Variants in UTP20 observed in about 807,000 individuals in gnomAD.
The protein encoded by UTP20 is UTP20 small subunit processome component, also known as small subunit processome component 20 homolog.
A neutral mutation model predicts 329.5 loss-of-function variants in UTP20; 164 were observed. That is an observed-to-expected ratio of 0.50 (90% CI 0.44 to 0.57). The LOEUF (loss-of-function observed/expected upper bound fraction) is 0.57. Ranked by LOEUF, UTP20 falls within the 20% of genes least tolerant of loss-of-function variation. The probability of loss-of-function intolerance (pLI) is 0.00; values close to 1 mark genes in which losing one functional copy is unlikely to be tolerated. For synonymous variants in UTP20, 1,151 were observed against 1,159.3 expected, an observed-to-expected ratio of 0.99 and a Z score of 0.14; for missense variants, 3,055 against 3,284.2, an observed-to-expected ratio of 0.93 and a Z score of 1.71.
chr12:101,331,242 C>A (rs999171301), intron 27 of UTP20, among the ~76,000 whole-genome samples: 2 of 152,122 alleles, frequency 1.3e-5, no homozygotes, highest in African/African-American at 4.8e-5. Flanking sequence ...ATGAATAGAA[C>A]ATGCAGATTG....
chr12:101,321,644 C>A lies in UTP20; in HGVS notation c.3041+15C>A. ...ATTCTGATGAGGTATTTATGCTGTT[C>A]AAACACTGATTTTTAAAAAGTTAAT... On this transcript the variant is annotated intron_variant, in intron 25 of 61. Coordinates refer to ENST00000261637, the MANE Select transcript of UTP20 (RefSeq NM_014503.3). 1.9e-6 allele frequency: 3 copies of A among 1,608,622 alleles called. No homozygotes were observed. In the South Asian group the frequency reaches 3.3e-5, roughly 18 times the overall value.
chr12:101,312,245 G>A lies in UTP20; in HGVS notation c.2521G>A (p.Glu841Lys), dbSNP rs780049886. Residue 841 changes from glutamate (E) to lysine (K), a missense_variant, in exon 21 of 62, where the codon GAG becomes AAG. Physicochemically the swap from Glu to Lys is moderately conservative, Grantham distance 56. Around this residue, in one of 3 missense-constraint regions of UTP20, gnomAD observed 2,445 missense variants for 2,575.5 expected, o/e 0.95. Transcript: ENST00000261637. Reference sequence around the variant, plus strand: ...AGAAAGAGTAGAGCCACGGTCCAGGGAGCTTTCCCCGCTTTTCTTGAGATT... The same window carrying A: ...AGAAAGAGTAGAGCCACGGTCCAGGAAGCTTTCCCCGCTTTTCTTGAGATT... Reference protein sequence around the residue: ...FPERVEPRSRELSPLFLRFIN... With the variant: ...FPERVEPRSRKLSPLFLRFIN... 1.3e-5 allele frequency: 21 copies of A among 1,614,168 alleles called. No homozygotes were observed. The Admixed American group carries it at 3.5e-4, about 27-fold the overall frequency.
At chr12:101,316,288 G>A (rs1395063474) in intron 21 of UTP20, among the ~76,000 whole-genome samples, 1 of 152,150 alleles carries the variant, frequency 6.6e-6, no homozygotes, top group Non-Finnish European at 1.5e-5. Flanking sequence ...CTGTGTGCTG[G>A]ACACTCTTAT....
At chr12:101,329,871 A>G (rs1868701109) in intron 27 of UTP20, among the ~76,000 whole-genome samples, 1 of 151,822 alleles carries the variant, frequency 6.6e-6, no homozygotes, top group South Asian at 2.1e-4. Context: ...CAGGTGCGGT[A>G]GTGCACACCT....
intron 27 of UTP20, among the ~76,000 whole-genome samples, chr12:101,330,189 A>G (rs1024866581): frequency 2.0e-5 from 3 of 152,168 alleles, no homozygotes; most frequent in South Asian, 2.1e-4. Flanking sequence ...TGCATTTACT[A>G]GGATGGTGAG....
At chr12:101,379,854 C>G (rs1224547386) in intron 57 of UTP20, among the ~76,000 whole-genome samples, 1 of 151,952 alleles carries the variant, frequency 6.6e-6, no homozygotes, top group Non-Finnish European at 1.5e-5. Context: ...GAGTCTCACT[C>G]TGTCACCCAG....
In UTP20 at chr12:101,308,327, A is replaced by C. The variant is rs755017500; in HGVS notation, c.2138A>C (p.Asp713Ala). ...RHDVVQTAVP[D>A]GPLQEVPLRY... ...GATGTGGTACAGACTGCTGTCCCTG[A>C]TGGGCCGTTACAGGAGGTAAAAATA... Residue 713 changes from aspartate (D) to alanine (A), a missense_variant, in exon 18 of 62, where the codon GAT (aspartate) becomes GCT (alanine). Asp to Ala is a moderately radical substitution (Grantham distance 126, BLOSUM62 -2). Coordinates refer to ENST00000261637, the MANE Select transcript of UTP20 (RefSeq NM_014503.3). 6.5e-7 allele frequency: 1 copy of C among 1,546,904 alleles called. No homozygotes were observed. The highest frequency in any genetic ancestry group is 8.7e-7 in the Non-Finnish European group (1 of 1,146,500).
In UTP20 at chr12:101,346,438, A is replaced by G. The variant is rs1418793976; in HGVS notation, c.4747-13A>G. On this transcript the variant is annotated splice_polypyrimidine_tract_variant and intron_variant, in intron 37 of 61. Coordinates refer to ENST00000261637, the MANE Select transcript of UTP20 (RefSeq NM_014503.3). Reference sequence around the variant, plus strand: ...TTATTCGGTAACTAATTCATATTTTATCTTACCCATAGATCCACAGAAGAG... The same window carrying G: ...TTATTCGGTAACTAATTCATATTTTGTCTTACCCATAGATCCACAGAAGAG... 4.4e-6 allele frequency: 7 copies of G among 1,574,802 alleles called. No homozygotes were observed. Among genetic ancestry groups the G allele is most frequent in the Middle Eastern group, 1.7e-4 (1 of 5,872 alleles).
Position 101,290,277 on chromosome 12 carries a change from A to G in UTP20, c.735+3A>G. The G allele has an allele frequency of 1.3e-6, 2 of 1,587,222 alleles. No individual in the cohort carries two copies. Among genetic ancestry groups the G allele is most frequent in the African/African-American group, 2.7e-5 (2 of 73,890 alleles). ...TGTTTCACTCCTGTACAGGCCAGGT[A>G]CATAATGGGGAGGGGTGCTTAGAGT... is the stretch of plus-strand genomic sequence containing the variant. On this transcript the variant is annotated splice_donor_region_variant and intron_variant, in intron 7 of 61. Coordinates refer to ENST00000261637, the MANE Select transcript of UTP20 (RefSeq NM_014503.3).
chr12:101,363,515 G>A lies in UTP20; in HGVS notation c.5791-61G>A, dbSNP rs1200529869. 34 of 1,480,966 alleles carry A rather than the reference G, an allele frequency of 2.3e-5. No individual in the cohort carries two copies. In the East Asian group the frequency reaches 7.9e-4, roughly 34 times the overall value. The allele number at this position is 1,480,966 out of a possible 1,614,324, so 91.7% of individuals were successfully genotyped here. A position where few individuals can be genotyped will look rare whatever the true frequency, so the allele number is the denominator to read the frequency against. On this transcript the variant is annotated intron_variant, in intron 44 of 61. Transcript: ENST00000261637. ...ATACCAGGGCCTTTTTTCAGTGACT[G>A]CTTATGTTGGCATATCTTGCTGAGT...
intron 38 of UTP20, among the ~76,000 whole-genome samples, chr12:101,350,142 A>G (rs903101665): frequency 3.3e-5 from 5 of 152,196 alleles, no homozygotes; most frequent in Admixed American, 2.0e-4. Flanking sequence ...ACTTATAACC[A>G]TATGAGAATT....
chr12:101,325,955 T>C (rs1436714486), intron 25 of UTP20, among the ~76,000 whole-genome samples: 1 of 152,228 alleles, frequency 6.6e-6, no homozygotes, highest in Non-Finnish European at 1.5e-5. Flanking sequence ...TTTCTTTTTT[T>C]GGTTTGCAGT....
chr12:101,289,916 A>C lies in UTP20; in HGVS notation c.598-221A>C, dbSNP rs373203470. On this transcript the variant is annotated intron_variant, in intron 6 of 61. Transcript: ENST00000261637. Reference sequence around the variant, plus strand: ...TGACTTCTGTAGTTTTTTTTGTAGTACATATCTTCCTGTAATACCAATGAA... The same window carrying C: ...TGACTTCTGTAGTTTTTTTTGTAGTCCATATCTTCCTGTAATACCAATGAA... The C allele has an allele frequency of 5.4e-5, 15 of 276,236 alleles. No homozygotes were observed. In the East Asian group the frequency reaches 7.7e-4, roughly 14 times the overall value. The allele number at this position is 276,236 out of a possible 1,614,324, so 17.1% of individuals were successfully genotyped here. A position where few individuals can be genotyped will look rare whatever the true frequency, so the allele number is the denominator to read the frequency against.
At chr12:101,303,725 G>A (rs190557763) in intron 15 of UTP20, among the ~76,000 whole-genome samples, 247 of 152,276 alleles carry the variant, frequency 1.6e-3, no homozygotes, top group African/African-American at 5.8e-3. Context: ...GCCATGGGAG[G>A]ATTTTTGGCA....
chr12:101,342,866 C>T (rs1346721477), intron 34 of UTP20, 29 bp downstream of exon 34: 1 of 1,610,606 alleles, frequency 6.2e-7, no homozygotes, highest in African/African-American at 1.3e-5. Context: ...TCTTTGGCTT[C>T]AAAAGTATTA....
chr12:101,333,491 T>C lies in UTP20; in HGVS notation c.3561+47T>C, dbSNP rs184706567. 55 of 1,596,196 alleles carry C rather than the reference T, an allele frequency of 3.4e-5. No homozygotes were observed. The East Asian group carries it at 1.2e-3, about 35-fold the overall frequency. On this transcript the variant is annotated intron_variant, in intron 28 of 61. Coordinates refer to ENST00000261637, the MANE Select transcript of UTP20 (RefSeq NM_014503.3). ...TGCCTATGTACGTTCTGCTTTTTCC[T>C]TTATTACTAACTCACCAACATAGCT...
intron 56 of UTP20, among the ~76,000 whole-genome samples, chr12:101,377,745 A>G (rs1369392643): frequency 6.6e-6 from 1 of 152,196 alleles, no homozygotes; most frequent in Non-Finnish European, 1.5e-5. Flanking sequence ...CTCAAGGCCA[A>G]GGTTTCTTCA....
intron 43 of UTP20, among the ~76,000 whole-genome samples, chr12:101,358,317 T>C (rs1478343234): frequency 6.6e-6 from 1 of 152,244 alleles, no homozygotes; most frequent in Non-Finnish European, 1.5e-5. Flanking sequence ...CTTCACCCTT[T>C]GTATTATAGC....
At chr12:101,294,728 A>G (rs1346545629) in intron 11 of UTP20, among the ~76,000 whole-genome samples, 2 of 151,846 alleles carry the variant, frequency 1.3e-5, no homozygotes, top group Non-Finnish European at 2.9e-5. Flanking sequence ...TTTTTAGTAG[A>G]GACGGGGTTT....
Sources: gnomAD v4.1 joint callset for allele counts (sites outside exome capture counted in the v4.1 genomes callset) on GRCh38, gnomAD v4.1.1 for gene constraint, gnomAD v4.1.1 regional missense constraint, MANE v1.5 for transcripts, NCBI Gene and HGNC (gene_info 2026-07-23, HGNC 2026-07-21) for gene names.